Variants in MEMO1 observed in about 807,000 individuals in gnomAD.
The protein encoded by MEMO1 is protein MEMO1.
A neutral mutation model predicts 45.2 loss-of-function variants in MEMO1; 6 were observed. The observed-to-expected ratio is 0.13, with a 90% CI of 0.07 to 0.26. MEMO1 has a LOEUF of 0.26. Among genes scored for constraint, MEMO1 ranks in the 10% least tolerant of loss-of-function variants. The pLI, the probability that MEMO1 is intolerant of heterozygous loss-of-function variation, is 1.00. For missense variants in MEMO1, 184 were observed against 370.5 expected, an observed-to-expected ratio of 0.50 and a Z score of 4.13; for synonymous variants, 78 against 124.3, an observed-to-expected ratio of 0.63 and a Z score of 2.48.
At chr2:31,974,887 T>A (rs1003724883) in intron 2 of MEMO1, among the ~76,000 whole-genome samples, 1 of 152,062 alleles carries the variant, frequency 6.6e-6, no homozygotes, top group Admixed American at 6.6e-5. Context: ...TAAAAAAAAA[T>A]TGGCAGGGCG....
At chr2:32,006,590 C>CGA (rs1558574092) in intron 2 of MEMO1, among the ~76,000 whole-genome samples, 3 of 140,322 alleles carry the variant, frequency 2.1e-5, no homozygotes, top group African/African-American at 8.2e-5. Flanking sequence ...CTGGACCTTA[C>CGA]CAAAAAAAAA....
chr2:31,972,175 T>G (rs1669490935), intron 2 of MEMO1, among the ~76,000 whole-genome samples: 1 of 152,192 alleles, frequency 6.6e-6, no homozygotes, highest in Non-Finnish European at 1.5e-5. Flanking sequence ...AGAGAGATGG[T>G]CTGGTGGTCT....
intron 2 of MEMO1, among the ~76,000 whole-genome samples, chr2:31,990,295 G>C (rs1215225651): frequency 6.6e-6 from 1 of 152,030 alleles, no homozygotes; most frequent in African/African-American, 2.4e-5. Context: ...TATAACAAAT[G>C]CCACTCTTCT....
intron 8 of MEMO1, among the ~76,000 whole-genome samples, chr2:31,879,914 G>T (rs1011440445): frequency 6.6e-6 from 1 of 152,050 alleles, no homozygotes; most frequent in Non-Finnish European, 1.5e-5. Context: ...CCCTGTATTA[G>T]TGAGTATCAG....
At chr2:31,895,768 A>G (rs1677680531) in intron 6 of MEMO1, among the ~76,000 whole-genome samples, 2 of 152,104 alleles carry the variant, frequency 1.3e-5, no homozygotes, top group Admixed American at 1.3e-4. Context: ...AAAGTATGAT[A>G]AGCACAAAGA....
intron 6 of MEMO1, among the ~76,000 whole-genome samples, chr2:31,893,868 T>C (rs577583472): frequency 3.9e-5 from 6 of 152,218 alleles, no homozygotes; most frequent in African/African-American, 1.4e-4. Context: ...TGTAAGGAGG[T>C]ATAAAATTCT....
chr2:31,963,355 A>T (rs531747422), intron 2 of MEMO1: 1 of 1,231,882 alleles, frequency 8.1e-7, no homozygotes, highest in Admixed American at 3.5e-5. Flanking sequence ...CACATACCCT[A>T]CTGGTTCTGT....
intron 3 of MEMO1, among the ~76,000 whole-genome samples, chr2:31,933,347 A>T (rs1572725123): frequency 1.5e-4 from 3 of 19,960 alleles, no homozygotes; most frequent in African/African-American, 4.0e-4. Flanking sequence ...AAAAAAAAAA[A>T]AATTTATATA....
At chr2:31,927,691 AG>A (rs1410379647) in intron 4 of MEMO1, among the ~76,000 whole-genome samples, 1 of 150,014 alleles carries the variant, frequency 6.7e-6, no homozygotes, top group African/African-American at 2.4e-5. Context: ...ATCTTCTATT[AG>A]AAAATGTATT....
intron 2 of MEMO1, among the ~76,000 whole-genome samples, chr2:31,963,564 A>G (rs1437113230): frequency 1.3e-5 from 2 of 152,204 alleles, no homozygotes; most frequent in Non-Finnish European, 2.9e-5. Context: ...GTTTTTTGGC[A>G]GGTGACGGGG....
chr2:31,943,998 G>C (rs540111748), intron 2 of MEMO1, among the ~76,000 whole-genome samples: 1 of 151,946 alleles, frequency 6.6e-6, no homozygotes, highest in Non-Finnish European at 1.5e-5. Flanking sequence ...ACTGTCCTTC[G>C]TCTCTACTTC....
chr2:31,902,086 A>G (rs1678924193), intron 6 of MEMO1, among the ~76,000 whole-genome samples: 1 of 152,108 alleles, frequency 6.6e-6, no homozygotes, highest in Non-Finnish European at 1.5e-5. Context: ...GTTCAACTCC[A>G]GCCTGGACAA....
Position 31,923,456 on chromosome 2 carries a change from A to G in MEMO1, c.213-2546T>C, listed in dbSNP as rs1281174584. ...CATCAATTCGAGAACCATTTCAAAA[A>G]AAAAGTCAAATCTATAGATTTCTAA... is the stretch of plus-strand genomic sequence containing the variant. On this transcript the variant is annotated intron_variant, in intron 4 of 9. Coordinates refer to ENST00000404530, the MANE Select transcript of MEMO1 (RefSeq NM_001301833.4). 1.5e-5 allele frequency: 9 copies of G among 584,586 alleles called. No homozygotes were observed. The East Asian group carries it at 3.2e-4, about 21-fold the overall frequency. 36.2% of individuals were successfully genotyped at this position (584,586 alleles called of 1,614,324 possible). A position where few individuals can be genotyped will look rare whatever the true frequency, so the allele number is the denominator to read the frequency against.
intron 2 of MEMO1, among the ~76,000 whole-genome samples, chr2:31,979,444 C>T (rs1170119545): frequency 6.6e-6 from 1 of 152,116 alleles, no homozygotes; most frequent in Non-Finnish European, 1.5e-5. Flanking sequence ...TAATACTAAA[C>T]TGATCTTTAC....
At chr2:31,943,189 T>C in intron 3 of MEMO1, 113 bp downstream of exon 3, 3 of 757,542 alleles carry the variant, frequency 4.0e-6, no homozygotes, top group South Asian at 1.5e-5. Context: ...CGCTTGAACC[T>C]GGGAGGCGGA....
At chr2:31,922,360 G>GA (rs954802643) in intron 4 of MEMO1, among the ~76,000 whole-genome samples, 5 of 136,954 alleles carry the variant, frequency 3.7e-5, no homozygotes, top group Non-Finnish European at 7.9e-5. Flanking sequence ...AAAAAAAAAA[G>GA]AAAGTTGTGG....
chr2:31,924,258 G>C (rs1682756897), intron 4 of MEMO1, among the ~76,000 whole-genome samples: 1 of 151,998 alleles, frequency 6.6e-6, no homozygotes, highest in African/African-American at 2.4e-5. Context: ...GTACATTAAA[G>C]TTCATGCATT....
At chr2:31,995,719 G>A (rs1672511599) in intron 2 of MEMO1, among the ~76,000 whole-genome samples, 1 of 151,754 alleles carries the variant, frequency 6.6e-6, no homozygotes, top group South Asian at 2.1e-4. Context: ...AAATCCTCAA[G>A]GAGGTAATAA....
At chr2:32,000,324 G>A (rs1017768455) in intron 2 of MEMO1, among the ~76,000 whole-genome samples, 2 of 151,894 alleles carry the variant, frequency 1.3e-5, no homozygotes, top group African/African-American at 4.8e-5. Flanking sequence ...CCGCCTCCTG[G>A]GTTCACTCCA....
Sources: allele counts gnomAD v4.1 joint callset (sites outside exome capture counted in the v4.1 genomes callset), GRCh38; gene constraint gnomAD v4.1.1; transcripts MANE v1.5; gene names NCBI Gene and HGNC (gene_info 2026-07-23, HGNC 2026-07-21).